RBFOX1: variants seen among roughly 807,000 people sequenced by gnomAD.
The protein encoded by RBFOX1 is RNA binding protein fox-1 homolog 1.
Under a neutral mutation model 57.7 loss-of-function variants are expected in RBFOX1, and 8 were observed. The observed-to-expected ratio is 0.14, with a 90% CI of 0.08 to 0.25. RBFOX1 has a LOEUF of 0.25. Ranked by LOEUF, RBFOX1 falls within the 10% of genes least tolerant of loss-of-function variation. The pLI, the probability that RBFOX1 is intolerant of heterozygous loss-of-function variation, is 1.00. For missense variants in RBFOX1, 611 were observed against 548.5 expected, an observed-to-expected ratio of 1.11 and a Z score of -1.14; for synonymous variants, 326 against 222.4, an observed-to-expected ratio of 1.47 and a Z score of -4.15.
chr16:5,437,394 C>G (rs1395540585), intron 1 of RBFOX1, among the ~76,000 whole-genome samples: 1 of 152,108 alleles, frequency 6.6e-6, no homozygotes, highest in African/African-American at 2.4e-5. Flanking sequence ...TTAAAGAGAC[C>G]TTGAACCAGA....
At chr16:7,005,952 T>A (rs2093261929) in intron 3 of RBFOX1, among the ~76,000 whole-genome samples, 1 of 152,128 alleles carries the variant, frequency 6.6e-6, no homozygotes, top group Non-Finnish European at 1.5e-5. Context: ...AAGCCCCAAT[T>A]CTTTAACCCC....
intron 4 of RBFOX1, among the ~76,000 whole-genome samples, chr16:5,917,927 T>TATG (rs770499082): frequency 1.6e-4 from 24 of 152,228 alleles, no homozygotes; most frequent in Non-Finnish European, 2.9e-4. Flanking sequence ...GCTCCTAGAA[T>TATG]ATGATCCTCT....
intron 14 of RBFOX1, among the ~76,000 whole-genome samples, chr16:7,683,317 C>T (rs2075327960): frequency 6.6e-6 from 1 of 151,392 alleles, no homozygotes; most frequent in Middle Eastern, 3.4e-3. Flanking sequence ...ATAGAAATCA[C>T]ACACACACAG....
chr16:7,120,860 T>TACACAC (rs1567337325), intron 4 of RBFOX1, among the ~76,000 whole-genome samples: 1 of 124,522 alleles, frequency 8.0e-6, no homozygotes. Flanking sequence ...CACACACACA[T>TACACAC]ACGTAAACAT....
At chr16:5,557,479 G>A (rs1448658426) in intron 2 of RBFOX1, among the ~76,000 whole-genome samples, 4 of 152,110 alleles carry the variant, frequency 2.6e-5, no homozygotes, top group East Asian at 1.9e-4. Flanking sequence ...ATAATATGAC[G>A]AAACAGGTGG....
intron 4 of RBFOX1, chr16:7,332,614 G>A (rs191994512): frequency 4.0e-6 from 1 of 250,840 alleles, no homozygotes; most frequent in Non-Finnish European, 6.7e-6. Context: ...TCAGTAGGAT[G>A]AGCTTATATC....
intron 2 of RBFOX1, among the ~76,000 whole-genome samples, chr16:6,452,634 T>A (rs2094659710): frequency 6.6e-6 from 1 of 151,884 alleles, no homozygotes; most frequent in Non-Finnish European, 1.5e-5. Flanking sequence ...ATGAGAAAAA[T>A]GGGCCCAGTT....
intron 4 of RBFOX1, among the ~76,000 whole-genome samples, chr16:7,087,997 A>G (rs1048338569): frequency 1.3e-5 from 2 of 152,212 alleles, no homozygotes; most frequent in African/African-American, 2.4e-5. Context: ...AGGTGATTAT[A>G]CTTGTGGCAG....
intron 4 of RBFOX1, among the ~76,000 whole-genome samples, chr16:7,325,782 C>T (rs1287914171): frequency 6.6e-6 from 1 of 152,120 alleles, no homozygotes; most frequent in Non-Finnish European, 1.5e-5. Context: ...CCTTTTGTAG[C>T]CATCCTCTCC....
At chr16:7,658,486 ACT>A (rs1488940590) in intron 12 of RBFOX1, among the ~76,000 whole-genome samples, 1 of 151,994 alleles carries the variant, frequency 6.6e-6, no homozygotes, top group Non-Finnish European at 1.5e-5. Context: ...GCTTCCTATG[ACT>A]CACATTTGGG....
At chr16:7,123,289 C>G (rs986949478) in intron 4 of RBFOX1, among the ~76,000 whole-genome samples, 6 of 152,096 alleles carry the variant, frequency 3.9e-5, no homozygotes, top group African/African-American at 1.4e-4. Context: ...AGCATCATTC[C>G]TGGCAAACAT....
intron 1 of RBFOX1, among the ~76,000 whole-genome samples, chr16:6,030,330 C>G (rs556938692): frequency 6.6e-6 from 1 of 152,162 alleles, no homozygotes; most frequent in African/African-American, 2.4e-5. Flanking sequence ...ATGTACCAGA[C>G]ACTTCTAAGT....
At chr16:5,784,422 G>A (rs556917375) in intron 3 of RBFOX1, among the ~76,000 whole-genome samples, 5 of 140,230 alleles carry the variant, frequency 3.6e-5, no homozygotes, top group East Asian at 5.2e-4. Context: ...GCGAGAGTCC[G>A]TCTGAAACAA....
At chr16:5,788,748 C>A (rs576931299) in intron 3 of RBFOX1, among the ~76,000 whole-genome samples, 1 of 151,840 alleles carries the variant, frequency 6.6e-6, no homozygotes, top group African/African-American at 2.4e-5. Flanking sequence ...TACACATTCA[C>A]ACACACACAC....
At chr16:7,511,812 T>C (rs890567215) in intron 4 of RBFOX1, among the ~76,000 whole-genome samples, 1 of 152,190 alleles carries the variant, frequency 6.6e-6, no homozygotes, top group African/African-American at 2.4e-5. Flanking sequence ...TCTCTGTTTA[T>C]CCTAATAAAT....
intron 3 of RBFOX1, among the ~76,000 whole-genome samples, chr16:6,886,756 AAAAAAC>A (rs141325480): frequency 0.57 from 83,139 of 147,050 alleles, 24,039 homozygotes; most frequent in East Asian, 0.85. Flanking sequence ...CTCTATCTGA[AAAAAAC>A]AAAAACAAAA....
At chr16:6,701,298 G>A (rs2061813142) in intron 3 of RBFOX1, among the ~76,000 whole-genome samples, 1 of 152,200 alleles carries the variant, frequency 6.6e-6, no homozygotes, top group South Asian at 2.1e-4. Flanking sequence ...TGACAGCTGT[G>A]GCTGCCTGCT....
chr16:5,507,992 T>C (rs1433528786), intron 2 of RBFOX1, among the ~76,000 whole-genome samples: 1 of 152,140 alleles, frequency 6.6e-6, no homozygotes, highest in Non-Finnish European at 1.5e-5. Flanking sequence ...GAAGCTCACA[T>C]GGCATTGACC....
intron 2 of RBFOX1, among the ~76,000 whole-genome samples, chr16:6,578,923 A>C (rs1271532097): frequency 6.6e-6 from 1 of 152,026 alleles, no homozygotes; most frequent in Non-Finnish European, 1.5e-5. Flanking sequence ...AAAGACTGCA[A>C]ATTGGGTACA....
Sources: gnomAD v4.1 joint callset for allele counts (sites outside exome capture counted in the v4.1 genomes callset) on GRCh38, gnomAD v4.1.1 for gene constraint, MANE v1.5 for transcripts, NCBI Gene and HGNC (gene_info 2026-07-23, HGNC 2026-07-21) for gene names.